The following LIMCH1 variants were observed in gnomAD, a reference collection of about 807,000 sequenced individuals.
The protein encoded by LIMCH1 is LIM and calponin homology domains-containing protein 1.
LIMCH1 carries 113 observed loss-of-function variants against 176.5 expected under a neutral mutation model. The ratio of observed to expected loss-of-function variants is 0.64; its 90% CI spans 0.55 to 0.75. The LOEUF (loss-of-function observed/expected upper bound fraction) is 0.75, where lower values mean the gene tolerates loss of function less well. LIMCH1 is among the 30% of genes least tolerant of loss of function. The probability of loss-of-function intolerance (pLI) is 0.00; values close to 1 mark genes in which losing one functional copy is unlikely to be tolerated. For missense variants in LIMCH1, 1,674 were observed against 1,814.9 expected, an observed-to-expected ratio of 0.92 and a Z score of 1.41; for synonymous variants, 619 against 645.9, an observed-to-expected ratio of 0.96 and a Z score of 0.63.
At chr4:41,585,713 T>C (rs762718078) in intron 1 of LIMCH1, among the ~76,000 whole-genome samples, 14 of 152,226 alleles carry the variant, frequency 9.2e-5, no homozygotes, top group Non-Finnish European at 1.8e-4. Flanking sequence ...TTTTCTGTCT[T>C]TTTAAAAACA....
At chr4:41,692,583 A>G (rs1269693864) in intron 31 of LIMCH1, 199 bp downstream of exon 31, 1 of 502,038 alleles carries the variant, frequency 2.0e-6, no homozygotes, top group African/African-American at 1.9e-5. Context: ...ATGTGGACCA[A>G]TTCTTTTTAT....
chr4:41,619,438 C>G lies in LIMCH1; in HGVS notation c.456C>G (p.Phe152Leu), dbSNP rs757671832. 1.9e-6 allele frequency: 3 copies of G among 1,607,666 alleles called. No individual in the cohort carries two copies. Among genetic ancestry groups the G allele is most frequent in the Non-Finnish European group, 2.5e-6 (3 of 1,179,978 alleles). ...CCCCGCTGGGTGGGGAGAGGCCCTT[C>G]AGGTAAGGCCTGAGCACCGCTGCCC... The part of the protein sequence containing the change: ...ATSPLGGERP[F>L]SFPETIEEEG... Residue 152 changes from phenylalanine to leucine, a missense_variant and splice_region_variant, in exon 6 of 32, where the codon TTC (phenylalanine) becomes TTG (leucine). Phe to Leu is a conservative substitution (Grantham distance 22, BLOSUM62 0). Transcript: ENST00000503057.
chr4:41,651,950 A>C lies in LIMCH1; in HGVS notation c.3036+1342A>C, dbSNP rs28555389. ...CTAATCTAACCGAAACTGTCACTAC[A>C]CAGATGCAGCCCTGCTTTCGGGGTA... is the stretch of plus-strand genomic sequence containing the variant. On this transcript the variant is annotated intron_variant, in intron 18 of 31. Coordinates refer to ENST00000503057, the MANE Select transcript of LIMCH1 (RefSeq NM_001330672.2). 9.9e-3 allele frequency among the ~76,000 whole-genome samples: 1,501 copies of C among 152,314 alleles called. 17 individuals carry two copies. Among genetic ancestry groups the C allele is most frequent in the African/African-American group, 0.034 (1,419 of 41,558 alleles).
At chr4:41,627,073 A>G (rs2093013372) in intron 8 of LIMCH1, 63 bp downstream of exon 8, 4 of 1,483,716 alleles carry the variant, frequency 2.7e-6, no homozygotes, top group Non-Finnish European at 3.6e-6. Context: ...AGACACAGGG[A>G]GAGAGGACAT....
At chr4:41,582,750 G>A (rs1374683250) in intron 1 of LIMCH1, among the ~76,000 whole-genome samples, 1 of 152,130 alleles carries the variant, frequency 6.6e-6, no homozygotes, top group African/African-American at 2.4e-5. Flanking sequence ...CACATAGAAT[G>A]CCCTCAATAA....
At chr4:41,494,355 GTACACA>G (rs1450458322) in intron 1 of LIMCH1, among the ~76,000 whole-genome samples, 2 of 145,678 alleles carry the variant, frequency 1.4e-5, no homozygotes, top group African/African-American at 2.5e-5. Context: ...ATATACATAC[GTACACA>G]TACACATACA....
intron 2 of LIMCH1, among the ~76,000 whole-genome samples, chr4:41,519,850 A>C (rs1255628139): frequency 2.0e-5 from 3 of 152,188 alleles, no homozygotes; most frequent in African/African-American, 7.2e-5. Flanking sequence ...ATTTTATGGA[A>C]GGGAAAACTG....
At chr4:41,547,893 A>ATG (rs1377634978) in intron 1 of LIMCH1, among the ~76,000 whole-genome samples, 1 of 143,106 alleles carries the variant, frequency 7.0e-6, no homozygotes, top group Non-Finnish European at 1.5e-5. Flanking sequence ...ATATATATAT[A>ATG]TATAAACAGT....
chr4:41,547,861 G>GTATATA (rs746652816), intron 1 of LIMCH1, among the ~76,000 whole-genome samples: 2,040 of 84,564 alleles, frequency 0.024, 18 homozygotes, highest in Non-Finnish European at 0.029. Flanking sequence ...ATTTGTGTGT[G>GTATATA]TGTATATATA....
intron 1 of LIMCH1, among the ~76,000 whole-genome samples, chr4:41,573,634 A>C (rs2083928758): frequency 6.6e-6 from 1 of 152,194 alleles, no homozygotes; most frequent in Non-Finnish European, 1.5e-5. Context: ...GTTGCTGGGC[A>C]TTTGGGTGGT....
chr4:41,689,002 A>G, intron 29 of LIMCH1: 1 of 152,864 alleles, frequency 6.5e-6, no homozygotes, highest in Non-Finnish European at 1.5e-5. Flanking sequence ...GCGACAGAGC[A>G]GACATTAGAT....
intron 22 of LIMCH1, 109 bp downstream of exon 22, chr4:41,671,703 C>G (rs1051670818): frequency 1.2e-6 from 1 of 808,020 alleles, no homozygotes; most frequent in Non-Finnish European, 2.1e-6. Flanking sequence ...TGGCTCACGC[C>G]TGTAATCCCA....
intron 5 of LIMCH1, among the ~76,000 whole-genome samples, chr4:41,614,904 T>G (rs2091896652): frequency 6.6e-6 from 1 of 152,226 alleles, no homozygotes; most frequent in African/African-American, 2.4e-5. Flanking sequence ...TTACCCACAT[T>G]TCTTTCTCTT....
chr4:41,591,334 T>C (rs992591558), intron 1 of LIMCH1, among the ~76,000 whole-genome samples: 2 of 152,108 alleles, frequency 1.3e-5, no homozygotes, highest in African/African-American at 4.8e-5. Context: ...CTCTACCTCC[T>C]GGGCTCAGGT....
chr4:41,555,359 C>T (rs1031216106), intron 1 of LIMCH1, among the ~76,000 whole-genome samples: 2 of 152,202 alleles, frequency 1.3e-5, no homozygotes. Flanking sequence ...CTGTCACTCA[C>T]AACTACATGG....
At chr4:41,449,504 A>G (rs531645074) in intron 1 of LIMCH1, among the ~76,000 whole-genome samples, 13 of 152,088 alleles carry the variant, frequency 8.5e-5, no homozygotes, top group African/African-American at 3.1e-4. Context: ...CCTTGCTTAC[A>G]TTTTCTCCCC....
chr4:41,645,715 C>T (rs1343243303), intron 15 of LIMCH1, among the ~76,000 whole-genome samples: 1 of 152,178 alleles, frequency 6.6e-6, no homozygotes, highest in African/African-American at 2.4e-5. Flanking sequence ...TGACTGCCTT[C>T]CATGTGGAAA....
intron 1 of LIMCH1, among the ~76,000 whole-genome samples, chr4:41,468,710 T>C (rs2066520023): frequency 6.6e-6 from 1 of 151,970 alleles, no homozygotes; most frequent in Non-Finnish European, 1.5e-5. Flanking sequence ...GGTATCTCGT[T>C]TTCTGTCATT....
intron 1 of LIMCH1, among the ~76,000 whole-genome samples, chr4:41,456,524 T>G (rs991959588): frequency 3.9e-5 from 6 of 152,138 alleles, no homozygotes; most frequent in African/African-American, 1.4e-4. Context: ...CTTTGACCAG[T>G]GTTGCAGTTT....
Sources: allele counts gnomAD v4.1 joint callset (sites outside exome capture counted in the v4.1 genomes callset), GRCh38; gene constraint gnomAD v4.1.1; transcripts MANE v1.5; gene names NCBI Gene and HGNC (gene_info 2026-07-23, HGNC 2026-07-21).